ERC2: variants seen among roughly 807,000 people sequenced by gnomAD.
ERC2 encodes the protein ERC protein 2.
Under a neutral mutation model 114.8 loss-of-function variants are expected in ERC2, and 42 were observed. That is an observed-to-expected ratio of 0.37 (90% CI 0.29 to 0.47). The LOEUF is 0.47. ERC2 is among the 20% of genes least tolerant of loss of function. The probability of loss-of-function intolerance (pLI) is 0.99; values close to 1 mark genes in which losing one functional copy is unlikely to be tolerated. For synonymous variants in ERC2, 454 were observed against 425.5 expected, an observed-to-expected ratio of 1.07 and a Z score of -0.82; for missense variants, 939 against 1,150.7, an observed-to-expected ratio of 0.82 and a Z score of 2.66.
At chr3:55,601,225 T>G (rs1240121998) in intron 17 of ERC2, among the ~76,000 whole-genome samples, 1 of 152,154 alleles carries the variant, frequency 6.6e-6, no homozygotes, top group Admixed American at 6.5e-5. Flanking sequence ...GAATCGTATA[T>G]TATATTTTCC....
chr3:55,743,444 A>G (rs184491170), intron 14 of ERC2, among the ~76,000 whole-genome samples: 27 of 152,262 alleles, frequency 1.8e-4, no homozygotes, highest in African/African-American at 6.5e-4. Flanking sequence ...TGCCAGGAAG[A>G]GCTATTCCCC....
intron 3 of ERC2, among the ~76,000 whole-genome samples, chr3:56,266,336 T>C (rs943022127): frequency 1.2e-4 from 18 of 151,932 alleles, no homozygotes; most frequent in African/African-American, 3.6e-4. Context: ...TTCACCGTGT[T>C]AGCCAGGATG....
intron 14 of ERC2, among the ~76,000 whole-genome samples, chr3:55,838,192 A>G (rs1455882498): frequency 6.6e-6 from 1 of 152,086 alleles, no homozygotes; most frequent in African/African-American, 2.4e-5. Context: ...AGATCTGTGC[A>G]TTATTAACCA....
intron 3 of ERC2, among the ~76,000 whole-genome samples, chr3:56,228,161 T>A (rs764366677): frequency 1.3e-5 from 2 of 152,216 alleles, no homozygotes; most frequent in Non-Finnish European, 2.9e-5. Flanking sequence ...TGAGTGGTGA[T>A]GATATAAATG....
At chr3:55,775,294 G>A (rs2068508822) in intron 14 of ERC2, among the ~76,000 whole-genome samples, 1 of 152,144 alleles carries the variant, frequency 6.6e-6, no homozygotes, top group African/African-American at 2.4e-5. Flanking sequence ...CATTTTGTAA[G>A]GCCTAGGCGG....
intron 3 of ERC2, among the ~76,000 whole-genome samples, chr3:56,272,515 A>T (rs2053720817): frequency 6.6e-6 from 1 of 152,264 alleles, no homozygotes. Flanking sequence ...CATGCCTGTT[A>T]TCCCAGCACT....
At chr3:56,426,659 A>G (rs1381437604) in intron 2 of ERC2, among the ~76,000 whole-genome samples, 1 of 152,192 alleles carries the variant, frequency 6.6e-6, no homozygotes, top group Non-Finnish European at 1.5e-5. Flanking sequence ...CCATGAGAAG[A>G]TGAAGCCCTG....
At chr3:55,777,895 T>A (rs944426193) in intron 14 of ERC2, among the ~76,000 whole-genome samples, 1 of 152,192 alleles carries the variant, frequency 6.6e-6, no homozygotes, top group Non-Finnish European at 1.5e-5. Context: ...ATTTCCTCAA[T>A]GAGGCAATTC....
intron 12 of ERC2, among the ~76,000 whole-genome samples, chr3:55,955,910 G>A (rs11713317): frequency 0.29 from 43,457 of 152,132 alleles, 7,401 homozygotes; most frequent in Non-Finnish European, 0.35. Flanking sequence ...CTGCGTGGCC[G>A]TGGGCAAGCT....
intron 3 of ERC2, among the ~76,000 whole-genome samples, chr3:56,250,591 C>T (rs2052078273): frequency 6.6e-6 from 1 of 152,094 alleles, no homozygotes; most frequent in Non-Finnish European, 1.5e-5. Flanking sequence ...CAGAGTTTGG[C>T]TTCTCACCCA....
intron 15 of ERC2, among the ~76,000 whole-genome samples, chr3:55,704,594 C>T (rs917044784): frequency 6.6e-6 from 1 of 152,128 alleles, no homozygotes; most frequent in Admixed American, 6.5e-5. Context: ...GCAAACCAGA[C>T]AAGAATGGGA....
chr3:56,118,155 C>A (rs1017091238), intron 6 of ERC2, among the ~76,000 whole-genome samples: 4 of 152,218 alleles, frequency 2.6e-5, no homozygotes, highest in African/African-American at 9.6e-5. Flanking sequence ...GCAAGTTACT[C>A]AGCTTCCTCA....
chr3:56,306,932 T>C (rs1161825908), intron 2 of ERC2, among the ~76,000 whole-genome samples: 1 of 152,202 alleles, frequency 6.6e-6, no homozygotes, highest in African/African-American at 2.4e-5. Flanking sequence ...ATAACTTCAG[T>C]GGCAAGCATG....
chr3:55,570,113 G>A (rs188865530), intron 17 of ERC2, among the ~76,000 whole-genome samples: 16 of 152,038 alleles, frequency 1.1e-4, no homozygotes, highest in Admixed American at 2.6e-4. Flanking sequence ...GCCTGCCTCC[G>A]CCTCCCAAAG....
intron 13 of ERC2, among the ~76,000 whole-genome samples, chr3:55,947,274 C>T (rs11709372): frequency 0.26 from 40,177 of 151,974 alleles, 5,611 homozygotes; most frequent in Admixed American, 0.34. Flanking sequence ...CAACTATATC[C>T]ACACACTAAG....
At chr3:56,342,814 G>T (rs945714080) in intron 2 of ERC2, among the ~76,000 whole-genome samples, 1 of 152,212 alleles carries the variant, frequency 6.6e-6, no homozygotes, top group Non-Finnish European at 1.5e-5. Flanking sequence ...GGAGTAGAGA[G>T]AAGTCATTAA....
chr3:55,558,108 C>A (rs1575579918), intron 17 of ERC2, among the ~76,000 whole-genome samples: 1 of 152,336 alleles, frequency 6.6e-6, no homozygotes, highest in Non-Finnish European at 1.5e-5. Context: ...GAGCTACCAT[C>A]ATATGATTTC....
chr3:56,213,402 G>A lies in ERC2; in HGVS notation c.1075-39882C>T, dbSNP rs541651914. On this transcript the variant is annotated intron_variant, in intron 3 of 17. Transcript: ENST00000288221. The stretch of plus-strand genomic sequence containing the variant: ...CTGGCTCAGAGGGTCCTACGCCCAC[G>A]GAGCCTCGCTCATTGCTAGCACAGC... Among the ~76,000 whole-genome samples, 4 of 152,298 alleles carry A rather than the reference G, an allele frequency of 2.6e-5. No individual in the cohort carries two copies. In the East Asian group the frequency reaches 5.8e-4, roughly 22 times the overall value.
intron 2 of ERC2, among the ~76,000 whole-genome samples, chr3:56,388,470 G>T (rs1165497342): frequency 6.6e-6 from 1 of 152,076 alleles, no homozygotes; most frequent in African/African-American, 2.4e-5. Context: ...CACACTTCTT[G>T]TACAACCCGT....
Sources: allele counts gnomAD v4.1 joint callset (sites outside exome capture counted in the v4.1 genomes callset), GRCh38; gene constraint gnomAD v4.1.1; transcripts MANE v1.5; gene names NCBI Gene and HGNC (gene_info 2026-07-23, HGNC 2026-07-21).